UXS1: variants seen among roughly 807,000 people sequenced by gnomAD.
UXS1 encodes UDP-glucuronate decarboxylase 1, also known as UDP-glucuronic acid decarboxylase 1.
A neutral mutation model predicts 62.6 loss-of-function variants in UXS1; 33 were observed. That is an observed-to-expected ratio of 0.53 (90% CI 0.40 to 0.70). The LOEUF (loss-of-function observed/expected upper bound fraction) is 0.70, where lower values mean the gene tolerates loss of function less well. UXS1 is among the 30% of genes least tolerant of loss of function. UXS1 has a pLI of 0.00. For synonymous variants in UXS1, 213 were observed against 206.8 expected (o/e 1.03, Z -0.26); for missense variants, 434 against 556.3 (o/e 0.78, Z 2.21).
chr2:106,156,321 C>T (rs756780035), intron 5 of UXS1, among the ~76,000 whole-genome samples: 35 of 152,170 alleles, frequency 2.3e-4, no homozygotes, highest in Middle Eastern at 3.4e-3. Context: ...AAATGCAAAT[C>T]CAAACCACAA....
chr2:106,105,475 T>C (rs1283920172), intron 10 of UXS1, among the ~76,000 whole-genome samples: 1 of 152,182 alleles, frequency 6.6e-6, no homozygotes, highest in Admixed American at 6.5e-5. Context: ...TTCTTTGCTC[T>C]GCCAGCTGAG....
At chr2:106,150,297 G>A (rs139717690) in intron 5 of UXS1, among the ~76,000 whole-genome samples, 74 of 152,350 alleles carry the variant, frequency 4.9e-4, no homozygotes, top group Non-Finnish European at 7.5e-4. Flanking sequence ...GTGTGCAAGA[G>A]TGCAGACAAT....
chr2:106,103,271 G>C (rs188417484), intron 11 of UXS1, among the ~76,000 whole-genome samples: 23 of 152,346 alleles, frequency 1.5e-4, no homozygotes, highest in Admixed American at 6.5e-4. Context: ...GAGATAATGA[G>C]AGCAGAAAGA....
intron 2 of UXS1, among the ~76,000 whole-genome samples, chr2:106,165,403 T>G (rs1421129982): frequency 2.0e-5 from 3 of 152,208 alleles, no homozygotes; most frequent in Admixed American, 2.0e-4. Context: ...ATCATCACAA[T>G]AGTGATTCTC....
rs528663707 is a variant in UXS1 at position 106,104,438 on chromosome 2, T to C, written c.923+356A>G. Among the ~76,000 whole-genome samples the C allele has an allele frequency of 1.6e-3, 248 of 152,316 alleles. 10 individuals carry two copies. In the South Asian group the frequency reaches 0.049, roughly 30 times the overall value. On this transcript the variant is annotated intron_variant, in intron 11 of 14. Transcript: ENST00000283148. ...TCCACCCCGCGAGCCATGTTTGCAA[T>C]GGGTCAGATTCTGGCATTCACAGGT...
At chr2:106,098,012 C>T (rs964056911) in intron 13 of UXS1, among the ~76,000 whole-genome samples, 2 of 152,220 alleles carry the variant, frequency 1.3e-5, no homozygotes, top group Non-Finnish European at 2.9e-5. Context: ...CCCAGCCAAG[C>T]GGGGTCTGAA....
intron 1 of UXS1, among the ~76,000 whole-genome samples, chr2:106,181,031 T>C (rs1487616189): frequency 6.6e-6 from 1 of 152,164 alleles, no homozygotes; most frequent in East Asian, 1.9e-4. Flanking sequence ...TGAATGAATC[T>C]CCTTAGTTTT....
At chr2:106,171,841 GA>G (rs1351605624) in intron 1 of UXS1, among the ~76,000 whole-genome samples, 1 of 152,248 alleles carries the variant, frequency 6.6e-6, no homozygotes, top group African/African-American at 2.4e-5. Flanking sequence ...GTCACAGGAA[GA>G]AAGTGTGATT....
At chr2:106,137,360 A>C (rs1447111741) in intron 6 of UXS1, among the ~76,000 whole-genome samples, 1 of 152,222 alleles carries the variant, frequency 6.6e-6, no homozygotes, top group East Asian at 1.9e-4. Context: ...AGTTCCTGCT[A>C]CACCTACTTC....
intron 5 of UXS1, among the ~76,000 whole-genome samples, chr2:106,157,131 G>A (rs971931666): frequency 1.3e-5 from 2 of 152,166 alleles, no homozygotes; most frequent in African/African-American, 2.4e-5. Context: ...GACTGCTAAT[G>A]GGTATAGGCT....
At chr2:106,186,331 G>A (rs988192273) in intron 1 of UXS1, among the ~76,000 whole-genome samples, 30 of 152,176 alleles carry the variant, frequency 2.0e-4, no homozygotes, top group African/African-American at 5.3e-4. Context: ...TGTTCCCAAC[G>A]ACACCAATTA....
intron 9 of UXS1, among the ~76,000 whole-genome samples, chr2:106,118,138 C>T (rs1679208698): frequency 6.6e-6 from 1 of 152,014 alleles, no homozygotes; most frequent in Non-Finnish European, 1.5e-5. Flanking sequence ...AGCCAAGCTG[C>T]TACTGGGCAG....
intron 1 of UXS1, among the ~76,000 whole-genome samples, chr2:106,178,282 T>G (rs960551706): frequency 4.6e-5 from 7 of 152,226 alleles, no homozygotes; most frequent in Non-Finnish European, 7.3e-5. Flanking sequence ...CTTTGTCCTT[T>G]TCCTGTTCAA....
intron 4 of UXS1, among the ~76,000 whole-genome samples, chr2:106,158,490 G>A (rs913698854): frequency 1.3e-5 from 2 of 152,226 alleles, no homozygotes; most frequent in African/African-American, 4.8e-5. Flanking sequence ...GTAATAATGA[G>A]AGAAATCTAA....
chr2:106,165,998 C>A, intron 2 of UXS1, 58 bp downstream of exon 2: 1 of 1,529,532 alleles, frequency 6.5e-7, no homozygotes, highest in South Asian at 1.2e-5. Flanking sequence ...ATATATGTAC[C>A]AACTGAAATG....
intron 1 of UXS1, among the ~76,000 whole-genome samples, chr2:106,169,517 T>G (rs1350413946): frequency 2.6e-5 from 4 of 151,962 alleles, no homozygotes; most frequent in Non-Finnish European, 4.4e-5. Flanking sequence ...CGCAAACTGG[T>G]GAAAACCCCA....
chr2:106,189,693 T>C (rs1040198763), intron 1 of UXS1, among the ~76,000 whole-genome samples: 2 of 152,216 alleles, frequency 1.3e-5, no homozygotes, highest in African/African-American at 4.8e-5. Context: ...AGGAAGATGC[T>C]ACAATCTTCA....
At chr2:106,138,692 C>T in intron 6 of UXS1, 1 of 985,496 alleles carries the variant, frequency 1.0e-6, no homozygotes, top group Non-Finnish European at 1.2e-6. Context: ...GTCAGTCCCA[C>T]TGCTGCTCCG....
chr2:106,120,694 G>A (rs1679452141), intron 9 of UXS1, among the ~76,000 whole-genome samples: 1 of 152,238 alleles, frequency 6.6e-6, no homozygotes, highest in Non-Finnish European at 1.5e-5. Context: ...ACGGAAAGCA[G>A]CAAGCGTGGT....
Sources: allele counts gnomAD v4.1 joint callset (sites outside exome capture counted in the v4.1 genomes callset), GRCh38; gene constraint gnomAD v4.1.1; transcripts MANE v1.5; gene names NCBI Gene and HGNC (gene_info 2026-07-23, HGNC 2026-07-21).